Variants in NEAT1 observed in about 807,000 individuals in gnomAD.
NEAT1 encodes the protein MENepsilon/beta.
chr11:65,423,177 G>C (rs1181517508), exon 1 of NEAT1: 1 of 153,804 alleles, frequency 6.5e-6, no homozygotes, highest in African/African-American at 2.4e-5. Flanking sequence ...GAGTCAGGAG[G>C]AATAGGCCGC....
At chr11:65,426,466 A>C (rs993625839) in exon 1 of NEAT1, 6 of 152,236 alleles carry the variant, frequency 3.9e-5, no homozygotes, top group Non-Finnish European at 8.8e-5. Flanking sequence ...CGTCATGTAC[A>C]TAATTACTAA....
chr11:65,428,630 A>T (rs941348123), exon 1 of NEAT1: 4 of 152,222 alleles, frequency 2.6e-5, no homozygotes, highest in African/African-American at 9.7e-5. Context: ...CAACAGGAAG[A>T]TAGCAAAATG....
At chr11:65,442,126 AT>A (rs796862022) in exon 1 of NEAT1, 4,199 of 140,400 alleles carry the variant, frequency 0.03, 68 homozygotes, top group African/African-American at 0.056. Flanking sequence ...CAGAGTTTTG[AT>A]TTTTTTTTTT....
At chr11:65,439,911 A>T (rs1856698529) in exon 1 of NEAT1, 1 of 152,134 alleles carries the variant, frequency 6.6e-6, no homozygotes, top group African/African-American at 2.4e-5. Context: ...ACCCCCTGCT[A>T]GATGTGCTGG....
chr11:65,423,335 T>A (rs567218398), exon 1 of NEAT1: 1 of 152,330 alleles, frequency 6.6e-6, no homozygotes, highest in South Asian at 2.1e-4. Context: ...GGCCTGGTCT[T>A]GTGGAACTGA....
chr11:65,443,231 G>A (rs1856730585), exon 1 of NEAT1: 1 of 152,186 alleles, frequency 6.6e-6, no homozygotes, highest in Non-Finnish European at 1.5e-5. Flanking sequence ...TGCTCCATGT[G>A]TTTTGATGCA....
At chr11:65,427,438 C>G (rs1442079499) in exon 1 of NEAT1, 1 of 152,330 alleles carries the variant, frequency 6.6e-6, no homozygotes, top group Non-Finnish European at 1.5e-5. Flanking sequence ...TTCTTTCCTT[C>G]CCATGAGCTG....
exon 1 of NEAT1, chr11:65,424,377 C>T (rs1449204348): frequency 6.6e-6 from 1 of 152,174 alleles, no homozygotes; most frequent in African/African-American, 2.4e-5. Context: ...GTGCTTGGAA[C>T]CTTGCTTCAA....
exon 1 of NEAT1, chr11:65,430,719 T>C (rs1175141946): frequency 6.6e-6 from 1 of 152,172 alleles, no homozygotes; most frequent in Non-Finnish European, 1.5e-5. Context: ...TCCCCTGGAG[T>C]GGCATTGCCT....
chr11:65,436,196 C>T (rs1050659519), exon 1 of NEAT1: 3 of 152,252 alleles, frequency 2.0e-5, no homozygotes, highest in Non-Finnish European at 2.9e-5. Context: ...AGGCACCACC[C>T]GGCTTGGCAT....
chr11:65,435,588 G>A (rs1856650803), exon 1 of NEAT1: 2 of 152,208 alleles, frequency 1.3e-5, no homozygotes, highest in Non-Finnish European at 2.9e-5. Context: ...GCACCCAGAG[G>A]CAGTGTCCAG....
At chr11:65,425,419 T>TG (rs938152770) in exon 1 of NEAT1, 1 of 152,100 alleles carries the variant, frequency 6.6e-6, no homozygotes, top group Admixed American at 6.5e-5. Context: ...GGGGTGTGGG[T>TG]GTTATCAAGT....
chr11:65,440,422 C>A (rs1856703289), exon 1 of NEAT1: 1 of 150,442 alleles, frequency 6.6e-6, no homozygotes, highest in Non-Finnish European at 1.5e-5. Flanking sequence ...GATTGCGCCA[C>A]TGCACTCCAG....
At chr11:65,427,352 A>G (rs1856571395) in exon 1 of NEAT1, 1 of 152,406 alleles carries the variant, frequency 6.6e-6, no homozygotes, top group Admixed American at 6.5e-5. Context: ...TGTTTGCCTG[A>G]GAAGGGGAGA....
exon 1 of NEAT1, chr11:65,424,370 C>T (rs1334980428): frequency 6.6e-6 from 1 of 152,160 alleles, no homozygotes; most frequent in African/African-American, 2.4e-5. Flanking sequence ...TAGTTTTGTG[C>T]TTGGAACCTT....
chr11:65,445,132 C>T (rs930172611), exon 1 of NEAT1: 3 of 152,356 alleles, frequency 2.0e-5, no homozygotes, highest in Admixed American at 6.5e-5. Context: ...TTCCTAGACT[C>T]ACTCTGGAAA....
chr11:65,426,967 T>C (rs1856567700), exon 1 of NEAT1: 1 of 152,094 alleles, frequency 6.6e-6, no homozygotes, highest in East Asian at 1.9e-4. Flanking sequence ...TGCCTGGGAT[T>C]TGGGTCTAAG....
At chr11:65,443,583 G>C in exon 1 of NEAT1, 1 of 152,220 alleles carries the variant, frequency 6.6e-6, no homozygotes, top group East Asian at 1.9e-4. Context: ...CAGGGTGAGA[G>C]GTTGTCACTG....
At chr11:65,433,955 T>C (rs1856635661) in exon 1 of NEAT1, 1 of 152,142 alleles carries the variant, frequency 6.6e-6, no homozygotes, top group South Asian at 2.1e-4. Flanking sequence ...TCATATAATT[T>C]TGCAAAAGAA....
Sources: gnomAD v4.1 joint callset for allele counts on GRCh38, gnomAD v4.1.1 for gene constraint, MANE v1.5 for transcripts, NCBI Gene and HGNC (gene_info 2026-07-23, HGNC 2026-07-21) for gene names.